MKLN1: variants seen among roughly 807,000 people sequenced by gnomAD.
The protein encoded by MKLN1 is muskelin 1.
In MKLN1, 18 loss-of-function variants were observed where a neutral mutation model predicts 99.0. The ratio of observed to expected loss-of-function variants is 0.18; its 90% CI spans 0.13 to 0.27. MKLN1 has a LOEUF of 0.27. MKLN1 is among the 10% of genes least tolerant of loss of function. The pLI is 1.00. For synonymous variants in MKLN1, 288 were observed against 293.2 expected (o/e 0.98, Z 0.18); for missense variants, 621 against 875.9 (o/e 0.71, Z 3.67).
chr7:131,182,001 GT>G (rs1239088428), intron 2 of MKLN1, among the ~76,000 whole-genome samples: 1 of 152,102 alleles, frequency 6.6e-6, no homozygotes, highest in East Asian at 1.9e-4. Context: ...GGGTGTGGTG[GT>G]GCGTGCCTGT....
At chr7:131,360,322 A>G (rs562697927) in intron 1 of MKLN1, among the ~76,000 whole-genome samples, 3 of 152,264 alleles carry the variant, frequency 2.0e-5, no homozygotes, top group African/African-American at 4.8e-5. Context: ...GATATCTACC[A>G]TATTTGTAAC....
chr7:131,241,376 TAA>T (rs77231529), intron 3 of MKLN1, among the ~76,000 whole-genome samples: 118 of 125,394 alleles, frequency 9.4e-4, no homozygotes, highest in Admixed American at 9.5e-4. Flanking sequence ...AGACTCTGTC[TAA>T]AAAAAAAAAA....
intron 1 of MKLN1, among the ~76,000 whole-genome samples, chr7:131,359,421 T>C (rs1387721655): frequency 6.6e-6 from 1 of 152,200 alleles, no homozygotes; most frequent in Non-Finnish European, 1.5e-5. Flanking sequence ...TCATCTTCCT[T>C]GGTGAATATC....
chr7:131,378,160 G>A (rs185695411), intron 2 of MKLN1, among the ~76,000 whole-genome samples: 27 of 152,292 alleles, frequency 1.8e-4, no homozygotes, highest in Admixed American at 1.4e-3. Context: ...CATCCAGGCT[G>A]GAGTGCAGTG....
At position 131,492,696 on chromosome 7, in the gene MKLN1, C is replaced by T. The variant is rs1293288859; in HGVS notation, c.*4968C>T. Reference sequence around the variant, plus strand: ...GGTGCAGTGAGCTATGATTGCGACACTGCACTCCAGCCTGGGCAACAGAGC... The same window carrying T: ...GGTGCAGTGAGCTATGATTGCGACATTGCACTCCAGCCTGGGCAACAGAGC... On this transcript the variant is annotated 3_prime_UTR_variant, in exon 18 of 18. Coordinates refer to ENST00000352689, the MANE Select transcript of MKLN1 (RefSeq NM_013255.5). 6.9e-6 allele frequency: 1 copy of T among 144,546 alleles called. No individual in the cohort carries two copies. The highest frequency in any genetic ancestry group is 7.2e-5 in the Admixed American group (1 of 13,944). The allele number at this position is 144,546 out of a possible 1,614,324, so 9.0% of individuals were successfully genotyped here. A position where few individuals can be genotyped will look rare whatever the true frequency, so the allele number is the denominator to read the frequency against.
At chr7:131,193,652 G>A (rs1796600781) in intron 2 of MKLN1, among the ~76,000 whole-genome samples, 1 of 152,138 alleles carries the variant, frequency 6.6e-6, no homozygotes, top group African/African-American at 2.4e-5. Context: ...AAAGTGCTGG[G>A]ATTACAGGCG....
At chr7:131,335,985 A>ATT (rs200851647) in intron 1 of MKLN1, among the ~76,000 whole-genome samples, 4 of 142,296 alleles carry the variant, frequency 2.8e-5, no homozygotes, top group African/African-American at 1.0e-4. Flanking sequence ...TCCTTACTGA[A>ATT]TTTTTTTTTT....
At chr7:131,344,587 C>T (rs1471235354) in intron 1 of MKLN1, among the ~76,000 whole-genome samples, 1 of 152,154 alleles carries the variant, frequency 6.6e-6, no homozygotes, top group Admixed American at 6.5e-5. Flanking sequence ...TTAAAATACT[C>T]AGTTTCCTAA....
chr7:131,280,089 C>T (rs536177586), intron 3 of MKLN1, among the ~76,000 whole-genome samples: 1 of 152,190 alleles, frequency 6.6e-6, no homozygotes, highest in East Asian at 1.9e-4. Flanking sequence ...GACAGGGTTC[C>T]TTCACTTGTT....
At position 131,365,016 on chromosome 7, in the gene MKLN1, CT is replaced by C. The variant is rs577720130; in HGVS notation, c.99-10404del. Among the ~76,000 whole-genome samples, 12 of 152,234 alleles carry C rather than the reference CT, an allele frequency of 7.9e-5. No individual in the cohort carries two copies. The South Asian group carries it at 2.5e-3, about 32-fold the overall frequency. ...ATTGCTGGGTTGAATGGCAGTTCTA[CT>C]TTTAGCTATTTGAGGAATTGCCATA... On this transcript the variant is annotated intron_variant, in intron 1 of 17. Transcript: ENST00000352689.
intron 12 of MKLN1, among the ~76,000 whole-genome samples, chr7:131,446,673 A>G (rs1175904257): frequency 6.6e-6 from 1 of 152,224 alleles, no homozygotes; most frequent in African/African-American, 2.4e-5. Context: ...TATTTTATTG[A>G]TTAATACAAG....
intron 1 of MKLN1, among the ~76,000 whole-genome samples, chr7:131,116,734 G>C (rs1795283616): frequency 6.6e-6 from 1 of 151,844 alleles, no homozygotes; most frequent in African/African-American, 2.4e-5. Context: ...ATGACAAACA[G>C]ATTGTAGTCA....
At chr7:131,307,853 G>A (rs937864682) in intron 3 of MKLN1, among the ~76,000 whole-genome samples, 2 of 152,100 alleles carry the variant, frequency 1.3e-5, no homozygotes, top group Admixed American at 6.6e-5. Context: ...TAGGACTTTC[G>A]GTGGCTGTTG....
chr7:131,338,972 A>G (rs962213336), intron 1 of MKLN1, among the ~76,000 whole-genome samples: 1 of 152,238 alleles, frequency 6.6e-6, no homozygotes, highest in Non-Finnish European at 1.5e-5. Flanking sequence ...ATCCACTTCC[A>G]TTTAATGAAT....
intron 11 of MKLN1, among the ~76,000 whole-genome samples, chr7:131,444,474 T>C (rs1036763459): frequency 6.6e-6 from 1 of 151,940 alleles, no homozygotes; most frequent in Admixed American, 6.5e-5. Context: ...CCACAACATA[T>C]TTATGTATCT....
At chr7:131,140,718 A>G (rs1795718375) in intron 1 of MKLN1, among the ~76,000 whole-genome samples, 1 of 152,004 alleles carries the variant, frequency 6.6e-6, no homozygotes, top group Non-Finnish European at 1.5e-5. Flanking sequence ...TTCTTTAGAA[A>G]TTACCCAGCT....
At chr7:131,176,865 C>T (rs1205588346) in intron 2 of MKLN1, among the ~76,000 whole-genome samples, 1 of 152,202 alleles carries the variant, frequency 6.6e-6, no homozygotes, top group Non-Finnish European at 1.5e-5. Flanking sequence ...CAATGGGAAA[C>T]AGTGACAGCC....
rs1257613093 is a variant in MKLN1 at position 131,495,303 on chromosome 7, C to A, written c.*7575C>A. The A allele has an allele frequency of 6.6e-6, 1 of 152,160 alleles. No individual in the cohort carries two copies. The highest frequency in any genetic ancestry group is 1.5e-5 in the Non-Finnish European group (1 of 68,024). 9.4% of individuals were successfully genotyped at this position (152,160 alleles called of 1,614,324 possible). A position where few individuals can be genotyped will look rare whatever the true frequency, so the allele number is the denominator to read the frequency against. On this transcript the variant is annotated 3_prime_UTR_variant, in exon 18 of 18. Coordinates refer to ENST00000352689, the MANE Select transcript of MKLN1 (RefSeq NM_013255.5). The stretch of plus-strand genomic sequence containing the variant: ...GCCAATAAAATCTGTCTTTCCAAGT[C>A]TGCTTATTAATGCTGTGAATCGCTC...
chr7:131,480,714 A>C (rs1207797780), intron 17 of MKLN1, among the ~76,000 whole-genome samples: 1 of 152,198 alleles, frequency 6.6e-6, no homozygotes, highest in Non-Finnish European at 1.5e-5. Flanking sequence ...TTATTTTGGA[A>C]AGTTCATGCC....
Sources: gnomAD v4.1 joint callset for allele counts (sites outside exome capture counted in the v4.1 genomes callset) on GRCh38, gnomAD v4.1.1 for gene constraint, MANE v1.5 for transcripts, NCBI Gene and HGNC (gene_info 2026-07-23, HGNC 2026-07-21) for gene names.